PLEKHG1: variants seen among roughly 807,000 people sequenced by gnomAD.
PLEKHG1 encodes pleckstrin homology domain-containing family G member 1.
A neutral mutation model predicts 100.8 loss-of-function variants in PLEKHG1; 44 were observed. The ratio of observed to expected loss-of-function variants is 0.44; its 90% confidence interval spans 0.34 to 0.56. The LOEUF is 0.56. Among genes scored for constraint, PLEKHG1 ranks in the 20% least tolerant of loss-of-function variants. PLEKHG1 has a pLI of 0.01. For missense variants in PLEKHG1, 1,545 were observed against 1,720.9 expected, an observed-to-expected ratio of 0.90 and a Z score of 1.81; for synonymous variants, 640 against 662.5, an observed-to-expected ratio of 0.97 and a Z score of 0.52.
At chr6:150,726,734 A>T (rs188215414) in intron 1 of PLEKHG1, among the ~76,000 whole-genome samples, 210 of 152,286 alleles carry the variant, frequency 1.4e-3, no homozygotes, top group African/African-American at 5.0e-3. Context: ...TGTTCCCTGA[A>T]TTTAACATGC....
intron 3 of PLEKHG1, among the ~76,000 whole-genome samples, chr6:150,776,622 C>T (rs578093063): frequency 4.4e-5 from 6 of 136,726 alleles, no homozygotes; most frequent in South Asian, 4.5e-4. Flanking sequence ...TGCACATGTG[C>T]GGTTGCACAT....
chr6:150,733,690 C>G, exon 2 of PLEKHG1: 3 of 1,614,204 alleles, frequency 1.9e-6, no homozygotes, highest in Middle Eastern at 1.6e-4. Flanking sequence ...CAATGGAGCT[C>G]TCTGATAGTG....
At chr6:150,814,249 A>G (rs79102053) in intron 10 of PLEKHG1, among the ~76,000 whole-genome samples, 4,327 of 152,290 alleles carry the variant, frequency 0.028, 74 homozygotes, top group Non-Finnish European at 0.041. Context: ...GGCCCCACCC[A>G]TTGTTTACCT....
At chr6:150,614,140 A>C (rs551368413) in intron 1 of PLEKHG1, among the ~76,000 whole-genome samples, 37 of 152,330 alleles carry the variant, frequency 2.4e-4, no homozygotes, top group Middle Eastern at 6.8e-3. Context: ...ATAAAAGAAA[A>C]CCTACTTGAC....
chr6:150,808,224 A>C lies in PLEKHG1; in HGVS notation c.913-881A>C, dbSNP rs184232146. On this transcript the variant is annotated intron_variant, in intron 7 of 15. Transcript: ENST00000358517. ...TGTACCCATAAAATTTTAAAATTTT[A>C]ACAAAAAAAGCACTAAAACATAAGT... Among the ~76,000 whole-genome samples the C allele has an allele frequency of 1.8e-4, 28 of 152,180 alleles. No homozygotes were observed. In the East Asian group the frequency reaches 2.1e-3, roughly 12 times the overall value.
At chr6:150,613,261 C>T (rs1479754724) in intron 1 of PLEKHG1, among the ~76,000 whole-genome samples, 1 of 152,186 alleles carries the variant, frequency 6.6e-6, no homozygotes, top group African/African-American at 2.4e-5. Flanking sequence ...CAAAGAAGTC[C>T]TACTGACCAT....
rs118059577 is a variant in PLEKHG1, at chr6:150,656,394, A to G, written c.-99+5608A>G. ...GGAGCCTCTTGGACAGTCTGTCCTC[A>G]GTCTTGTAGAATTATGGTAATAGGT... On this transcript the variant is annotated intron_variant, in intron 3 of 3. Transcript: ENST00000367326. Among the ~76,000 whole-genome samples the G allele has an allele frequency of 9.8e-3, 1,495 of 152,290 alleles. 21 individuals carry two copies. Among genetic ancestry groups the G allele is most frequent in the South Asian group, 0.064 (306 of 4,818 alleles).
intron 4 of PLEKHG1, among the ~76,000 whole-genome samples, chr6:150,787,892 G>A (rs550952646): frequency 2.0e-5 from 3 of 152,220 alleles, no homozygotes; most frequent in East Asian, 3.9e-4. Context: ...TTCACAAGTT[G>A]CCTGTGTCAA....
intron 3 of PLEKHG1, among the ~76,000 whole-genome samples, chr6:150,655,906 A>G (rs1201755768): frequency 2.6e-5 from 4 of 151,772 alleles, no homozygotes; most frequent in African/African-American, 7.3e-5. Context: ...ATGAGAACAC[A>G]TGGACACAGG....
At chr6:150,638,635 C>G (rs1329022812) in intron 2 of PLEKHG1, among the ~76,000 whole-genome samples, 1 of 152,164 alleles carries the variant, frequency 6.6e-6, no homozygotes. Flanking sequence ...CAGGTAGAAG[C>G]CCCCTTGCCA....
At chr6:150,671,110 T>TATAC (rs1491586627) in intron 3 of PLEKHG1, among the ~76,000 whole-genome samples, 226 of 122,028 alleles carry the variant, frequency 1.9e-3, no homozygotes, top group African/African-American at 7.0e-3. Flanking sequence ...TATATATATA[T>TATAC]ACACACACAC....
chr6:150,697,111 G>GAAGAAA (rs1780578285), intron 3 of PLEKHG1, among the ~76,000 whole-genome samples: 2 of 53,712 alleles, frequency 3.7e-5, no homozygotes, highest in African/African-American at 1.3e-4. Flanking sequence ...AAAAAAAAAA[G>GAAGAAA]AAGAAGAAGA....
intron 7 of PLEKHG1, among the ~76,000 whole-genome samples, chr6:150,806,168 GA>G (rs1787079763): frequency 6.9e-6 from 1 of 144,298 alleles, no homozygotes; most frequent in Non-Finnish European, 1.5e-5. Context: ...AGTGTGGTGT[GA>G]TGCCACTGAC....
At chr6:150,663,811 C>G (rs148323640) in intron 3 of PLEKHG1, 3 of 152,214 alleles carry the variant, frequency 2.0e-5, no homozygotes, top group Admixed American at 6.5e-5. Flanking sequence ...CTTGGCCTCC[C>G]GAAGTACTGG....
chr6:150,665,908 G>T (rs562097499), intron 3 of PLEKHG1, among the ~76,000 whole-genome samples: 1 of 152,226 alleles, frequency 6.6e-6, no homozygotes, highest in African/African-American at 2.4e-5. Context: ...AAGGCTAAAG[G>T]AATCCATAAT....
rs755171201 is a variant in PLEKHG1 at position 150,804,682 on chromosome 6, C to T, written c.853C>T (p.Arg285Ter). The stretch of plus-strand genomic sequence containing the variant: ...GCTTGATGCTATAGACACAATGCAG[C>T]GAGTCGCCTGGCATATCAATGACAT... Residue 285 changes from arginine (R) to a stop codon, truncating the protein, a stop_gained, in exon 7 of 16, where the codon CGA (arginine) becomes TGA (stop). Coordinates refer to ENST00000358517, the Ensembl canonical transcript of PLEKHG1. LOFTEE classifies it high-confidence loss of function. The T allele has an allele frequency of 2.5e-6, 4 of 1,613,444 alleles. No individual in the cohort carries two copies. Among genetic ancestry groups the T allele is most frequent in the South Asian group, 1.1e-5 (1 of 91,052 alleles).
chr6:150,786,377 AT>A lies in PLEKHG1; in HGVS notation c.513-6del. On this transcript the variant is annotated splice_polypyrimidine_tract_variant and intron_variant, in intron 3 of 15. Transcript: ENST00000358517. ...TACAATCTAATACTTCCTGGCTGTT[AT>A]TTTTTTATTAGTGAACTTCTGCAAG... 4 of 1,584,594 alleles carry A rather than the reference AT, an allele frequency of 2.5e-6. No homozygotes were observed. Among genetic ancestry groups the A allele is most frequent in the Non-Finnish European group, 3.5e-6 (4 of 1,153,364 alleles).
At chr6:150,696,375 G>A (rs953852698) in intron 3 of PLEKHG1, among the ~76,000 whole-genome samples, 1 of 152,186 alleles carries the variant, frequency 6.6e-6, no homozygotes, top group Non-Finnish European at 1.5e-5. Context: ...ATGGCAGCCT[G>A]CCAGCTTCAG....
intron 3 of PLEKHG1, among the ~76,000 whole-genome samples, chr6:150,676,806 C>A (rs1779769845): frequency 6.6e-6 from 1 of 152,162 alleles, no homozygotes; most frequent in Admixed American, 6.5e-5. Flanking sequence ...CTGAGTCACC[C>A]ACCACCCTAT....
Sources: allele counts gnomAD v4.1 joint callset (sites outside exome capture counted in the v4.1 genomes callset), GRCh38; gene constraint gnomAD v4.1.1; transcripts MANE v1.5; gene names NCBI Gene and HGNC (gene_info 2026-07-23, HGNC 2026-07-21).